Variants in RALGAPA2 observed in about 807,000 individuals in gnomAD.
The protein encoded by RALGAPA2 is Ral GTPase activating protein catalytic subunit alpha 2, also known as ral GTPase-activating protein subunit alpha-2.
RALGAPA2 carries 139 observed loss-of-function variants against 230.4 expected under a neutral mutation model. The observed-to-expected ratio is 0.60, with a 90% CI of 0.53 to 0.69. RALGAPA2 has a LOEUF of 0.69. Among genes scored for constraint, RALGAPA2 ranks in the 30% least tolerant of loss-of-function variants. The probability of loss-of-function intolerance (pLI) is 0.00; values close to 1 mark genes in which losing one functional copy is unlikely to be tolerated. For synonymous variants in RALGAPA2, 847 were observed against 837.8 expected (o/e 1.01, Z -0.19); for missense variants, 2,163 against 2,276.0 (o/e 0.95, Z 1.01).
rs1378242933 is a variant in RALGAPA2, at chr20:20,620,372, C to T, written c.1401+91G>A. ...TGGGATAAAAAAGAGATCCACCTGC[C>T]TTTGTCCCATTGACAAGACTCTTGA... On this transcript the variant is annotated intron_variant, in intron 11 of 39. Coordinates refer to ENST00000202677, the MANE Select transcript of RALGAPA2 (RefSeq NM_020343.4). The T allele has an allele frequency of 4.5e-6, 6 of 1,347,124 alleles. No homozygotes were observed. The East Asian group carries it at 6.9e-5, about 16-fold the overall frequency. 83.4% of individuals were successfully genotyped at this position (1,347,124 alleles called of 1,614,324 possible).
chr20:20,626,147 C>T (rs1051684353), intron 10 of RALGAPA2, among the ~76,000 whole-genome samples: 1 of 152,052 alleles, frequency 6.6e-6, no homozygotes, highest in Non-Finnish European at 1.5e-5. Context: ...CTATAATAAC[C>T]GTTAGGCTTA....
chr20:20,626,252 CA>C (rs1457944372), intron 10 of RALGAPA2, among the ~76,000 whole-genome samples: 1 of 152,094 alleles, frequency 6.6e-6, no homozygotes, highest in Non-Finnish European at 1.5e-5. Flanking sequence ...CATCATTGAC[CA>C]ACAGAGCAAT....
chr20:20,465,851 C>A (rs1243432826), intron 37 of RALGAPA2, among the ~76,000 whole-genome samples: 2 of 152,186 alleles, frequency 1.3e-5, no homozygotes, highest in Non-Finnish European at 2.9e-5. Context: ...TATTTTAATA[C>A]CCACAATGGT....
intron 38 of RALGAPA2, among the ~76,000 whole-genome samples, chr20:20,402,655 T>A (rs1602265276): frequency 6.6e-6 from 1 of 152,310 alleles, no homozygotes; most frequent in East Asian, 1.9e-4. Context: ...AAGCATAACA[T>A]CTGTTCATTC....
chr20:20,712,611 C>CTG lies in RALGAPA2; in HGVS notation c.-132_-131insCA. ...GCCCCCAGCCCCGCTGCTGCCGCCG[C>CTG]CGCCGCCGCCGCCGCCGCCTCAGCT... On this transcript the variant is annotated 5_prime_UTR_variant, in exon 1 of 40. Transcript: ENST00000202677. This position sits in a 1 kb window ranked among gnomAD's most constrained non-coding sequence, Gnocchi z 5.5. 1 of 1,185,912 alleles carries CTG rather than the reference C, an allele frequency of 8.4e-7. No individual in the cohort carries two copies. The highest frequency in any genetic ancestry group is 1.6e-5 in the African/African-American group (1 of 61,686). 73.5% of individuals were successfully genotyped at this position (1,185,912 alleles called of 1,614,324 possible).
chr20:20,460,731 C>T (rs1016825338), intron 37 of RALGAPA2, among the ~76,000 whole-genome samples: 2 of 152,176 alleles, frequency 1.3e-5, no homozygotes, highest in Non-Finnish European at 2.9e-5. Context: ...ATAACAAACC[C>T]ACTGAGGAAA....
At chr20:20,524,064 C>T (rs2063123303) in intron 30 of RALGAPA2, among the ~76,000 whole-genome samples, 1 of 152,140 alleles carries the variant, frequency 6.6e-6, no homozygotes. Flanking sequence ...TCACGCCATT[C>T]TCCTGCCTCA....
intron 3 of RALGAPA2, among the ~76,000 whole-genome samples, chr20:20,674,048 T>C (rs896834544): frequency 6.6e-6 from 1 of 151,682 alleles, no homozygotes; most frequent in African/African-American, 2.4e-5. Flanking sequence ...GAAAAAAAAT[T>C]AGCTGGGCAT....
intron 36 of RALGAPA2, among the ~76,000 whole-genome samples, chr20:20,486,894 GT>G (rs2061926599): frequency 6.6e-6 from 1 of 152,132 alleles, no homozygotes; most frequent in Non-Finnish European, 1.5e-5. Context: ...CTGTCATAGG[GT>G]TTTTGGTTTC....
At chr20:20,491,541 GA>G in intron 36 of RALGAPA2, among the ~76,000 whole-genome samples, 1 of 152,296 alleles carries the variant, frequency 6.6e-6, no homozygotes, top group African/African-American at 2.4e-5. Context: ...TCCAGATACT[GA>G]AAGAGAGGGA....
At chr20:20,628,065 T>C (rs1392351345) in intron 10 of RALGAPA2, among the ~76,000 whole-genome samples, 1 of 152,204 alleles carries the variant, frequency 6.6e-6, no homozygotes, top group Non-Finnish European at 1.5e-5. Context: ...GAAAAAAATA[T>C]TTTATAAGTG....
At chr20:20,418,848 C>T (rs1337448275) in intron 37 of RALGAPA2, among the ~76,000 whole-genome samples, 1 of 152,182 alleles carries the variant, frequency 6.6e-6, no homozygotes, top group East Asian at 1.9e-4. Flanking sequence ...AAGCAATCCT[C>T]CCACCTCAGC....
intron 37 of RALGAPA2, among the ~76,000 whole-genome samples, chr20:20,428,448 T>G (rs2060432681): frequency 6.6e-6 from 1 of 152,184 alleles, no homozygotes; most frequent in South Asian, 2.1e-4. Context: ...TCTTGATAGA[T>G]CAAAAGCAGC....
At chr20:20,560,209 C>T (rs2064216260) in intron 23 of RALGAPA2, among the ~76,000 whole-genome samples, 1 of 152,158 alleles carries the variant, frequency 6.6e-6, no homozygotes, top group East Asian at 1.9e-4. Flanking sequence ...GCACAAGGCA[C>T]TGGGTCTTGA....
At chr20:20,588,222 A>C (rs2065187304) in intron 18 of RALGAPA2, among the ~76,000 whole-genome samples, 1 of 152,242 alleles carries the variant, frequency 6.6e-6, no homozygotes, top group Admixed American at 6.5e-5. Flanking sequence ...AAACAATCTA[A>C]ATGTCAACCA....
intron 3 of RALGAPA2, among the ~76,000 whole-genome samples, chr20:20,670,874 C>G (rs2068110673): frequency 6.7e-6 from 1 of 149,564 alleles, no homozygotes; most frequent in South Asian, 2.1e-4. Flanking sequence ...TGCTTGAACC[C>G]AGAAGGTAGA....
At chr20:20,556,857 G>A (rs781639037) in intron 23 of RALGAPA2, among the ~76,000 whole-genome samples, 6 of 152,144 alleles carry the variant, frequency 3.9e-5, no homozygotes, top group Non-Finnish European at 7.4e-5. Flanking sequence ...GAGGGCTGGG[G>A]TAGGAGGATA....
At chr20:20,710,341 G>A (rs1004102534) in intron 1 of RALGAPA2, among the ~76,000 whole-genome samples, 2 of 151,776 alleles carry the variant, frequency 1.3e-5, no homozygotes, top group African/African-American at 2.4e-5. Context: ...ACTTTTTTTC[G>A]AGTAGCAATG....
intron 14 of RALGAPA2, among the ~76,000 whole-genome samples, chr20:20,609,311 CTTAAT>C (rs2065910649): frequency 6.6e-6 from 1 of 152,128 alleles, no homozygotes; most frequent in Admixed American, 6.6e-5. Flanking sequence ...TTGGTTAGTT[CTTAAT>C]TTAAGCATCC....
Sources: gnomAD v4.1 joint callset for allele counts (sites outside exome capture counted in the v4.1 genomes callset) on GRCh38, gnomAD v4.1.1 for gene constraint, Gnocchi (gnomAD v3.1) non-coding constraint, MANE v1.5 for transcripts, NCBI Gene and HGNC (gene_info 2026-07-23, HGNC 2026-07-21) for gene names.